ANKFN1: variants seen among roughly 807,000 people sequenced by gnomAD.
ANKFN1 encodes the protein ankyrin repeat and fibronectin type III domain containing 1.
ANKFN1 carries 74 observed loss-of-function variants against 108.7 expected under a neutral mutation model. That is an observed-to-expected ratio of 0.68 (90% CI 0.56 to 0.83). ANKFN1 has a LOEUF of 0.83. ANKFN1 is among the 40% of genes least tolerant of loss of function. The pLI, the probability that ANKFN1 is intolerant of heterozygous loss-of-function variation, is 0.00. For synonymous variants in ANKFN1, 547 were observed against 516.2 expected (o/e 1.06, Z -0.81); for missense variants, 1,505 against 1,382.3 (o/e 1.09, Z -1.41).
chr17:56,307,796 C>T (rs550868916), intron 3 of ANKFN1, among the ~76,000 whole-genome samples: 19 of 152,254 alleles, frequency 1.2e-4, no homozygotes, highest in African/African-American at 4.3e-4. Context: ...TATTGCAGCA[C>T]TATTCACAAT....
chr17:56,298,399 T>C (rs2044576528), intron 3 of ANKFN1, among the ~76,000 whole-genome samples: 2 of 152,238 alleles, frequency 1.3e-5, no homozygotes, highest in South Asian at 4.1e-4. Flanking sequence ...CATGTATTTC[T>C]GCTACACATG....
At chr17:56,197,214 T>G (rs1304584665) in intron 1 of ANKFN1, among the ~76,000 whole-genome samples, 1 of 152,210 alleles carries the variant, frequency 6.6e-6, no homozygotes, top group Non-Finnish European at 1.5e-5. Flanking sequence ...TGTCCCTCTC[T>G]AATGTACATT....
chr17:56,380,367 G>A (rs770359749), intron 8 of ANKFN1, among the ~76,000 whole-genome samples: 4 of 152,162 alleles, frequency 2.6e-5, no homozygotes, highest in Non-Finnish European at 5.9e-5. Flanking sequence ...TGCAGAAGAC[G>A]GGTGATTTCT....
At chr17:56,429,696 T>G (rs2048690773) in intron 8 of ANKFN1, among the ~76,000 whole-genome samples, 2 of 152,142 alleles carry the variant, frequency 1.3e-5, no homozygotes, top group African/African-American at 2.4e-5. Context: ...AAGAAAGTAT[T>G]GTGATAGGAT....
intron 3 of ANKFN1, among the ~76,000 whole-genome samples, chr17:56,319,914 T>G (rs2045315017): frequency 6.6e-6 from 1 of 152,114 alleles, no homozygotes; most frequent in African/African-American, 2.4e-5. Context: ...TGTATTATAT[T>G]TCTTATTATA....
intron 2 of ANKFN1, among the ~76,000 whole-genome samples, chr17:56,220,555 G>A (rs1915755912): frequency 6.6e-6 from 1 of 152,132 alleles, no homozygotes; most frequent in African/African-American, 2.4e-5. Flanking sequence ...AGCTACTTGG[G>A]AGGCCAAGGT....
intron 3 of ANKFN1, among the ~76,000 whole-genome samples, chr17:56,249,928 C>A (rs2043198707): frequency 6.6e-6 from 1 of 152,116 alleles, no homozygotes; most frequent in East Asian, 1.9e-4. Context: ...TCTGCTGCAC[C>A]ATTGTTAGCA....
rs146184493 is a variant in ANKFN1, at chr17:56,507,804, T to C, written c.2645-2669T>C. On this transcript the variant is annotated intron_variant, in intron 20 of 20. Transcript: ENST00000682825. ...TCACATAGCTGGTTCCTTCTGATCA[T>C]TGGGTTCTTACCCAGACTCCCCTTT... is the stretch of plus-strand genomic sequence containing the variant. Among the ~76,000 whole-genome samples, 83 of 152,362 alleles carry C rather than the reference T, an allele frequency of 5.4e-4. No individual in the cohort carries two copies. In the East Asian group the frequency reaches 0.016, roughly 29 times the overall value.
rs1365086534 is a variant in ANKFN1, at chr17:56,073,520, TATC to T, written c.288+27198_288+27200del. ...TTAGTAGTGTTTTTCTTTAAAGAAATATCATTCATAGAACACAAAATTAGCCGC... is the reference window on the plus strand; with the variant it reads ...TTAGTAGTGTTTTTCTTTAAAGAAATATTCATAGAACACAAAATTAGCCGC... On this transcript the variant is annotated intron_variant, in intron 4 of 12. Transcript: ENST00000635860. 2.0e-5 allele frequency among the ~76,000 whole-genome samples: 3 copies of T among 152,216 alleles called. No individual in the cohort carries two copies. The East Asian group carries it at 5.8e-4, about 29-fold the overall frequency.
intron 4 of ANKFN1, among the ~76,000 whole-genome samples, chr17:56,084,447 A>G (rs1905283902): frequency 6.6e-6 from 1 of 151,348 alleles, no homozygotes; most frequent in Non-Finnish European, 1.5e-5. Context: ...TTTCTCTCAC[A>G]CTGCTCTCCT....
intron 3 of ANKFN1, among the ~76,000 whole-genome samples, chr17:56,274,467 C>T (rs931916314): frequency 3.0e-4 from 46 of 152,010 alleles, no homozygotes; most frequent in South Asian, 4.1e-4. Flanking sequence ...CGCGAGACTC[C>T]GCCTCAAAAA....
intron 4 of ANKFN1, among the ~76,000 whole-genome samples, chr17:56,054,357 G>T (rs1459830683): frequency 6.6e-6 from 1 of 152,166 alleles, no homozygotes; most frequent in Admixed American, 6.5e-5. Context: ...AACTCACTCA[G>T]GTTTTGAGAT....
At chr17:56,143,206 G>A (rs1161086468) in intron 4 of ANKFN1, among the ~76,000 whole-genome samples, 3 of 152,192 alleles carry the variant, frequency 2.0e-5, no homozygotes, top group Non-Finnish European at 2.9e-5. Flanking sequence ...AGGCTGCACT[G>A]TTTGAAATTC....
At chr17:56,133,158 C>T (rs111838181) in intron 4 of ANKFN1, among the ~76,000 whole-genome samples, 4 of 152,264 alleles carry the variant, frequency 2.6e-5, no homozygotes, top group African/African-American at 7.2e-5. Flanking sequence ...AACATGATAT[C>T]GACTCATTTC....
At chr17:56,068,132 C>T (rs1244790877) in intron 4 of ANKFN1, among the ~76,000 whole-genome samples, 9 of 152,072 alleles carry the variant, frequency 5.9e-5, no homozygotes, top group Non-Finnish European at 8.8e-5. Context: ...AGACCCCATC[C>T]CACCTGTATG....
chr17:56,118,642 C>T (rs1002304097), intron 4 of ANKFN1, among the ~76,000 whole-genome samples: 1 of 152,110 alleles, frequency 6.6e-6, no homozygotes, highest in Non-Finnish European at 1.5e-5. Context: ...TCCCAGCAAT[C>T]CTCTGAAATA....
intron 8 of ANKFN1, among the ~76,000 whole-genome samples, chr17:56,420,683 C>CTTTTTTTTTTTTTTTTTTTTT (rs755355387): frequency 1.1e-4 from 13 of 119,566 alleles, no homozygotes; most frequent in Non-Finnish European, 1.6e-4. Flanking sequence ...CTGACTCCTT[C>CTTTTTTTTTTTTTTTTTTTTT]TTTTTTTTTT....
chr17:56,438,366 C>T (rs1412806108), intron 8 of ANKFN1, among the ~76,000 whole-genome samples: 2 of 152,000 alleles, frequency 1.3e-5, no homozygotes, highest in Non-Finnish European at 2.9e-5. Context: ...CAGAGACTTA[C>T]AGAACAAAGA....
chr17:56,242,940 G>A (rs1159868947), intron 3 of ANKFN1, among the ~76,000 whole-genome samples: 1 of 151,854 alleles, frequency 6.6e-6, no homozygotes, highest in African/African-American at 2.4e-5. Flanking sequence ...CTATGATTTT[G>A]TTCTGTGTTC....
Sources: allele counts gnomAD v4.1 joint callset (sites outside exome capture counted in the v4.1 genomes callset), GRCh38; gene constraint gnomAD v4.1.1; transcripts MANE v1.5; gene names NCBI Gene and HGNC (gene_info 2026-07-23, HGNC 2026-07-21).